Variants in GNA14 observed in about 807,000 individuals in gnomAD.
GNA14 encodes the protein G protein subunit alpha 14, also known as guanine nucleotide-binding protein subunit alpha-14.
In GNA14, 50 loss-of-function variants were observed where a neutral mutation model predicts 42.0. That is an observed-to-expected ratio of 1.19 (90% CI 0.95 to 1.51). The LOEUF (loss-of-function observed/expected upper bound fraction) is 1.51, where lower values mean the gene tolerates loss of function less well. Ranked by LOEUF, GNA14 falls within the 40% of genes most tolerant of loss-of-function variation. GNA14 has a pLI of 0.00. For missense variants in GNA14, 473 were observed against 446.2 expected (o/e 1.06, Z -0.54); for synonymous variants, 173 against 163.1 (o/e 1.06, Z -0.46).
At chr9:77,547,612 C>T (rs916342571) in intron 1 of GNA14, among the ~76,000 whole-genome samples, 2 of 152,150 alleles carry the variant, frequency 1.3e-5, no homozygotes, top group African/African-American at 4.8e-5. Context: ...ACAATACTTA[C>T]AACAAGGCAG....
chr9:77,559,385 A>T (rs1822843771), intron 1 of GNA14, among the ~76,000 whole-genome samples: 2 of 152,144 alleles, frequency 1.3e-5, no homozygotes, highest in Non-Finnish European at 2.9e-5. Flanking sequence ...AGTGAGATAA[A>T]GGACTGGGGG....
At chr9:77,446,409 G>A (rs554651726) in intron 2 of GNA14, among the ~76,000 whole-genome samples, 3 of 152,342 alleles carry the variant, frequency 2.0e-5, no homozygotes, top group Admixed American at 1.3e-4. Context: ...CAGGATGGCC[G>A]CGGGTCCAGT....
intron 2 of GNA14, among the ~76,000 whole-genome samples, chr9:77,477,124 A>G (rs1836442819): frequency 6.6e-6 from 1 of 152,162 alleles, no homozygotes; most frequent in Admixed American, 6.5e-5. Context: ...TCGGAGGCTG[A>G]GGCAGGTGGA....
At position 77,423,866 on chromosome 9, in the gene GNA14, A is replaced by G. The variant is rs2131683991; in HGVS notation, c.*113T>C. The G allele has an allele frequency of 1.6e-6, 1 of 612,082 alleles. No individual in the cohort carries two copies. The highest frequency in any genetic ancestry group is 2.8e-6 in the Non-Finnish European group (1 of 361,486). The allele number at this position is 612,082 out of a possible 1,614,324, so 37.9% of individuals were successfully genotyped here. ...TCTCTGTCCCCACGATCTACATGAC[A>G]TCCTTAGTTCCTGGCATGGGGCTGG... On this transcript the variant is annotated 3_prime_UTR_variant, in exon 7 of 7. Transcript: ENST00000341700.
At chr9:77,578,103 G>A (rs947148091) in intron 1 of GNA14, among the ~76,000 whole-genome samples, 16 of 151,828 alleles carry the variant, frequency 1.1e-4, no homozygotes, top group Non-Finnish European at 1.2e-4. Context: ...GTGAAACTCC[G>A]TCTCTACTAA....
chr9:77,500,126 A>G (rs182378855), intron 2 of GNA14, among the ~76,000 whole-genome samples: 156 of 151,796 alleles, frequency 1.0e-3, no homozygotes, highest in African/African-American at 3.5e-3. Flanking sequence ...GGGTTCAAGC[A>G]ATTCTCGTGC....
chr9:77,528,095 A>G (rs1368818139), intron 2 of GNA14, among the ~76,000 whole-genome samples: 2 of 152,212 alleles, frequency 1.3e-5, no homozygotes, highest in African/African-American at 2.4e-5. Flanking sequence ...GTGTTTTCCT[A>G]TGTAATCCCA....
At chr9:77,490,002 T>A (rs1248350716) in intron 2 of GNA14, among the ~76,000 whole-genome samples, 1 of 152,170 alleles carries the variant, frequency 6.6e-6, no homozygotes, top group Non-Finnish European at 1.5e-5. Context: ...CTCAGGGCGC[T>A]GATTGGTGCG....
chr9:77,624,863 A>G (rs1823988854), intron 1 of GNA14, among the ~76,000 whole-genome samples: 1 of 151,918 alleles, frequency 6.6e-6, no homozygotes, highest in Admixed American at 6.6e-5. Flanking sequence ...AAGGATCACA[A>G]CTCCTTGCCA....
chr9:77,558,799 T>G (rs2131787035), intron 1 of GNA14, among the ~76,000 whole-genome samples: 1 of 152,210 alleles, frequency 6.6e-6, no homozygotes, highest in East Asian at 1.9e-4. Context: ...AATAATGATT[T>G]TCCAAGAAAG....
At chr9:77,630,108 TTTTG>T (rs1027535838) in intron 1 of GNA14, among the ~76,000 whole-genome samples, 1 of 129,606 alleles carries the variant, frequency 7.7e-6, no homozygotes, top group African/African-American at 3.9e-5. Context: ...GGGGTTTGTT[TTTTG>T]TTTTTTTTTT....
At chr9:77,529,302 A>T (rs376137095) in intron 1 of GNA14, 49 bp from the exon 2 acceptor site, 41 of 1,424,210 alleles carry the variant, frequency 2.9e-5, no homozygotes, top group Non-Finnish European at 3.6e-5. Context: ...TTCCAAAGGA[A>T]CACACGAAGA....
chr9:77,547,476 G>C (rs951625663), intron 1 of GNA14, among the ~76,000 whole-genome samples: 50 of 152,138 alleles, frequency 3.3e-4, no homozygotes, highest in African/African-American at 1.2e-3. Context: ...TCGTAATAAC[G>C]AAAGTTATGC....
intron 1 of GNA14, among the ~76,000 whole-genome samples, chr9:77,569,343 G>A (rs1823024645): frequency 6.6e-6 from 1 of 152,126 alleles, no homozygotes; most frequent in Non-Finnish European, 1.5e-5. Flanking sequence ...AGAGATCATT[G>A]GCATTTGGCC....
intron 3 of GNA14, among the ~76,000 whole-genome samples, chr9:77,433,098 C>T (rs1400309469): frequency 1.3e-5 from 2 of 152,194 alleles, no homozygotes; most frequent in African/African-American, 4.8e-5. Context: ...AAAGGAAGCC[C>T]ATTGAAACCA....
intron 2 of GNA14, among the ~76,000 whole-genome samples, chr9:77,504,722 C>T (rs1428659327): frequency 7.5e-6 from 1 of 133,588 alleles, no homozygotes; most frequent in African/African-American, 2.9e-5. Flanking sequence ...GGCTGGAGTG[C>T]AGTGGCATGA....
chr9:77,588,680 CAT>C (rs1823342861), intron 1 of GNA14, among the ~76,000 whole-genome samples: 1 of 152,208 alleles, frequency 6.6e-6, no homozygotes, highest in Admixed American at 6.5e-5. Context: ...GGTTAGCACA[CAT>C]AGCATAAAAG....
At chr9:77,452,963 C>T (rs1835941863) in intron 2 of GNA14, among the ~76,000 whole-genome samples, 1 of 151,956 alleles carries the variant, frequency 6.6e-6, no homozygotes, top group Non-Finnish European at 1.5e-5. Flanking sequence ...GACATTCCCT[C>T]ATCCCTAAAA....
intron 1 of GNA14, among the ~76,000 whole-genome samples, chr9:77,628,364 C>A (rs1477382813): frequency 6.6e-6 from 1 of 152,264 alleles, no homozygotes; most frequent in East Asian, 1.9e-4. Flanking sequence ...CATTGACTTT[C>A]TTCACAGAAT....
Sources: gnomAD v4.1 joint callset for allele counts (sites outside exome capture counted in the v4.1 genomes callset) on GRCh38, gnomAD v4.1.1 for gene constraint, MANE v1.5 for transcripts, NCBI Gene and HGNC (gene_info 2026-07-23, HGNC 2026-07-21) for gene names.